Variants in IGFL2 observed in about 807,000 individuals in gnomAD.
IGFL2 encodes insulin growth factor-like family member 2.
In IGFL2, 7 loss-of-function variants were observed where a neutral mutation model predicts 13.9. The ratio of observed to expected loss-of-function variants is 0.51; its 90% CI spans 0.29 to 0.95. The LOEUF (loss-of-function observed/expected upper bound fraction) is 0.95, where lower values mean the gene tolerates loss of function less well. Among genes scored for constraint, IGFL2 ranks in the 40% least tolerant of loss-of-function variants. IGFL2 has a pLI of 0.08. For missense variants in IGFL2, 138 were observed against 147.8 expected, an observed-to-expected ratio of 0.93 and a Z score of 0.34; for synonymous variants, 55 against 55.8, an observed-to-expected ratio of 0.99 and a Z score of 0.07.
At chr19:46,198,932 G>A in the IGFL2 span, among the ~76,000 whole-genome samples, 1 of 152,210 alleles carries the variant, frequency 6.6e-6, no homozygotes, top group Non-Finnish European at 1.5e-5. Flanking sequence ...TTTATTCCTG[G>A]ACAAAAGAGC....
At chr19:46,153,435 ATTTTTTCATATAC>A (rs1973621276) in intron 1 of IGFL2, among the ~76,000 whole-genome samples, 1 of 151,848 alleles carries the variant, frequency 6.6e-6, no homozygotes, top group African/African-American at 2.4e-5. Context: ...AATGTTGAAC[ATTTTTTCATATAC>A]TTTTTTCATA....
the IGFL2 span, among the ~76,000 whole-genome samples, chr19:46,170,722 G>A: frequency 2.0e-5 from 3 of 152,120 alleles, no homozygotes; most frequent in African/African-American, 7.2e-5. Context: ...GGGGGTGTCT[G>A]CCTTATGCAG....
chr19:46,195,419 G>C, the IGFL2 span, among the ~76,000 whole-genome samples: 24 of 152,194 alleles, frequency 1.6e-4, no homozygotes, highest in East Asian at 4.6e-3. Context: ...TACACCCTTT[G>C]TAAAAAATGT....
chr19:46,084,892 T>C, the IGFL2 span, among the ~76,000 whole-genome samples: 3 of 152,308 alleles, frequency 2.0e-5, no homozygotes, highest in African/African-American at 7.2e-5. Context: ...CCTTTTCACG[T>C]TGCAAAATAC....
the IGFL2 span, among the ~76,000 whole-genome samples, chr19:46,176,113 A>G: frequency 6.9e-6 from 1 of 143,952 alleles, no homozygotes; most frequent in East Asian, 2.0e-4. Context: ...TCGGCCTCCT[A>G]AAGTCCTGGG....
chr19:46,082,721 T>A, the IGFL2 span, among the ~76,000 whole-genome samples: 3 of 152,124 alleles, frequency 2.0e-5, no homozygotes, highest in Non-Finnish European at 4.4e-5. Context: ...TCTTCTGGGC[T>A]GAAGTCGTGT....
chr19:46,160,986 G>T (rs1974138762), intron 3 of IGFL2, 84 bp from the exon 4 acceptor site: 6 of 1,541,874 alleles, frequency 3.9e-6, no homozygotes, highest in African/African-American at 2.7e-5. Flanking sequence ...TGGCCCTGTA[G>T]TCTAATCTCT....
the IGFL2 span, among the ~76,000 whole-genome samples, chr19:46,109,975 C>T: frequency 6.6e-6 from 1 of 152,186 alleles, no homozygotes; most frequent in Non-Finnish European, 1.5e-5. Flanking sequence ...AGGCCTGACA[C>T]TAATAACTGT....
At chr19:46,184,023 G>C in the IGFL2 span, among the ~76,000 whole-genome samples, 1 of 152,116 alleles carries the variant, frequency 6.6e-6, no homozygotes, top group Non-Finnish European at 1.5e-5. Flanking sequence ...TGATTTAAGG[G>C]ATATCTGTCA....
chr19:46,204,381 C>T, the IGFL2 span, among the ~76,000 whole-genome samples: 337 of 152,214 alleles, frequency 2.2e-3, no homozygotes, highest in Non-Finnish European at 3.1e-3. Flanking sequence ...GTGTCTGTGA[C>T]CTGCAGGGGC....
chr19:46,195,230 T>A, the IGFL2 span: 1 of 152,408 alleles, frequency 6.6e-6, no homozygotes, highest in Admixed American at 6.6e-5. Context: ...TTACCCAGGC[T>A]GGTCTCAAAC....
At chr19:46,121,789 G>A in the IGFL2 span, among the ~76,000 whole-genome samples, 2 of 150,960 alleles carry the variant, frequency 1.3e-5, no homozygotes, top group South Asian at 2.1e-4. Context: ...CAGCAAGTGC[G>A]GAGCTGACTG....
chr19:46,125,604 A>G, the IGFL2 span, among the ~76,000 whole-genome samples: 3 of 152,376 alleles, frequency 2.0e-5, no homozygotes, highest in South Asian at 6.2e-4. Flanking sequence ...GGCACAGCAT[A>G]GGGAAGAGTT....
chr19:46,095,235 A>G, the IGFL2 span, among the ~76,000 whole-genome samples: 1 of 152,162 alleles, frequency 6.6e-6, no homozygotes, highest in Non-Finnish European at 1.5e-5. Context: ...CTGGCATGAG[A>G]TAGTATCTTG....
At chr19:46,130,268 G>A in the IGFL2 span, among the ~76,000 whole-genome samples, 406 of 152,136 alleles carry the variant, frequency 2.7e-3, 2 homozygotes, top group African/African-American at 9.2e-3. Flanking sequence ...GAGATGGACT[G>A]CATGCAGTTT....
the IGFL2 span, among the ~76,000 whole-genome samples, chr19:46,192,266 C>T: frequency 6.6e-6 from 1 of 152,192 alleles, no homozygotes; most frequent in African/African-American, 2.4e-5. Context: ...TCAGTTTCCT[C>T]ATTTGTAAAA....
the IGFL2 span, among the ~76,000 whole-genome samples, chr19:46,175,613 G>A: frequency 8.4e-4 from 127 of 151,908 alleles, 2 homozygotes; most frequent in Middle Eastern, 0.017. Flanking sequence ...TCTCTACTCA[G>A]CTGCAACCTC....
At chr19:46,201,593 G>A in the IGFL2 span, among the ~76,000 whole-genome samples, 1 of 152,300 alleles carries the variant, frequency 6.6e-6, no homozygotes, top group East Asian at 1.9e-4. Flanking sequence ...CCCAGTGATG[G>A]CACATGGCCC....
At chr19:46,187,421 AAACC>A in the IGFL2 span, among the ~76,000 whole-genome samples, 1 of 145,018 alleles carries the variant, frequency 6.9e-6, no homozygotes, top group African/African-American at 2.7e-5. Context: ...TAACCCATTT[AAACC>A]TGAGATTGTG....
Sources: gnomAD v4.1 joint callset for allele counts (sites outside exome capture counted in the v4.1 genomes callset) on GRCh38, gnomAD v4.1.1 for gene constraint, MANE v1.5 for transcripts, NCBI Gene and HGNC (gene_info 2026-07-23, HGNC 2026-07-21) for gene names.